The following TLE1 variants were observed in gnomAD, a reference collection of about 807,000 sequenced individuals.
TLE1 encodes TLE family member 1, transcriptional corepressor, also known as transducin-like enhancer protein 1.
TLE1 carries 21 observed loss-of-function variants against 89.8 expected under a neutral mutation model. That is an observed-to-expected ratio of 0.23 (90% CI 0.17 to 0.34). The LOEUF (loss-of-function observed/expected upper bound fraction) is 0.34. TLE1 is among the 10% of genes least tolerant of loss of function. TLE1 has a pLI of 1.00. For synonymous variants in TLE1, 447 were observed against 407.6 expected, an observed-to-expected ratio of 1.10 and a Z score of -1.16; for missense variants, 795 against 1,031.2, an observed-to-expected ratio of 0.77 and a Z score of 3.14.
intron 6 of TLE1, among the ~76,000 whole-genome samples, chr9:81,635,705 T>C (rs1827276816): frequency 6.6e-6 from 1 of 152,200 alleles, no homozygotes; most frequent in South Asian, 2.1e-4. Flanking sequence ...TAAATCTTCA[T>C]GCCAGATCTT....
chr9:81,600,189 C>T (rs1284587696), intron 14 of TLE1: 10 of 670,416 alleles, frequency 1.5e-5, no homozygotes, highest in Non-Finnish European at 2.7e-5. Context: ...TAATATATTG[C>T]TATTTCAAAG....
chr9:81,657,921 T>C (rs1318465683), intron 4 of TLE1, among the ~76,000 whole-genome samples: 1 of 149,334 alleles, frequency 6.7e-6, no homozygotes, highest in Non-Finnish European at 1.5e-5. Context: ...TTTTTTTTTT[T>C]TTTTTTAAGA....
At chr9:81,631,091 G>A (rs984979559) in intron 8 of TLE1, among the ~76,000 whole-genome samples, 1 of 152,168 alleles carries the variant, frequency 6.6e-6, no homozygotes, top group Non-Finnish European at 1.5e-5. Context: ...AAAGATACAT[G>A]TCCAAAACAC....
chr9:81,685,575 CA>C (rs1834158650), intron 4 of TLE1, 100 bp downstream of exon 4: 4 of 1,214,272 alleles, frequency 3.3e-6, no homozygotes, highest in Non-Finnish European at 4.6e-6. Context: ...AAATAGCATA[CA>C]AACCCCCACC....
At chr9:81,659,197 C>T (rs1445530797) in intron 4 of TLE1, among the ~76,000 whole-genome samples, 2 of 152,088 alleles carry the variant, frequency 1.3e-5, no homozygotes, top group African/African-American at 2.4e-5. Flanking sequence ...CGTGAGCCAC[C>T]GCGCCTGGCC....
chr9:81,627,051 G>C (rs1825990737), intron 8 of TLE1, among the ~76,000 whole-genome samples: 3 of 152,032 alleles, frequency 2.0e-5, no homozygotes, highest in Admixed American at 1.3e-4. Context: ...TGAAATACTT[G>C]CTAATGCAAG....
chr9:81,688,964 G>GTGT lies in TLE1; in HGVS notation c.-727_-725dup, dbSNP rs1299286491. The GTGT allele has an allele frequency of 1.3e-5, 2 of 152,314 alleles. No individual in the cohort carries two copies. The highest frequency in any genetic ancestry group is 4.8e-5 in the African/African-American group (2 of 41,450). The allele number at this position is 152,314 out of a possible 1,614,324, so 9.4% of individuals were successfully genotyped here. ...GCACGCCCCGTGCGACCAGCACTCG[G>GTGT]TGTTCTCCGCGGTTGCACAAACCCT... On this transcript the variant is annotated 5_prime_UTR_variant, in exon 1 of 20. Coordinates refer to ENST00000376499, the MANE Select transcript of TLE1 (RefSeq NM_005077.5).
intron 2 of TLE1, among the ~76,000 whole-genome samples, chr9:81,687,071 T>C (rs1249985894): frequency 1.3e-5 from 2 of 152,074 alleles, no homozygotes; most frequent in Admixed American, 6.6e-5. Flanking sequence ...ACGATTCTCA[T>C]GCAACTCCTA....
At chr9:81,606,291 A>AAATC (rs1188253219) in intron 14 of TLE1, among the ~76,000 whole-genome samples, 1 of 152,236 alleles carries the variant, frequency 6.6e-6, no homozygotes, top group African/African-American at 2.4e-5. Context: ...AAAGGATTAT[A>AAATC]AATCATGCTG....
At chr9:81,596,301 G>C (rs922834684) in intron 14 of TLE1, among the ~76,000 whole-genome samples, 2 of 152,162 alleles carry the variant, frequency 1.3e-5, no homozygotes, top group African/African-American at 4.8e-5. Flanking sequence ...CCCACGGGAA[G>C]CCCATATGGA....
chr9:81,594,474 T>G (rs1021860386), intron 14 of TLE1, among the ~76,000 whole-genome samples: 2 of 151,446 alleles, frequency 1.3e-5, no homozygotes, highest in South Asian at 2.1e-4. Flanking sequence ...TAAATGGGAG[T>G]TGGACAATGA....
At chr9:81,659,460 CA>C (rs1830515670) in intron 4 of TLE1, among the ~76,000 whole-genome samples, 1 of 152,118 alleles carries the variant, frequency 6.6e-6, no homozygotes, top group South Asian at 2.1e-4. Flanking sequence ...TGTAAGGCAA[CA>C]ACAATAAATC....
Position 81,585,600 on chromosome 9 carries a change from C to T in TLE1, c.2033G>A (p.Ser678Asn), listed in dbSNP as rs1000373544. ...CACGTGCAGCACCTCCACATTGCTG[C>T]TCTCCATGCCCACTGCCAGCCACTC... is the stretch of plus-strand genomic sequence containing the variant. Reference protein sequence around the residue: ...TGEWLAVGMESSNVEVLHVNK... With the variant: ...TGEWLAVGMENSNVEVLHVNK... Residue 678 changes from serine (S) to asparagine (N), a missense_variant, in exon 18 of 20, where the codon AGC (serine) becomes AAC (asparagine). Physicochemically the swap from Ser to Asn is conservative, Grantham distance 46. Coordinates refer to ENST00000376499, the MANE Select transcript of TLE1 (RefSeq NM_005077.5). The T allele has an allele frequency of 1.3e-5, 21 of 1,614,024 alleles. No homozygotes were observed. The highest frequency in any genetic ancestry group is 2.2e-5 in the East Asian group (1 of 44,872).
chr9:81,620,904 A>G, intron 8 of TLE1: 1 of 561,894 alleles, frequency 1.8e-6, no homozygotes, highest in Non-Finnish European at 3.4e-6. Context: ...CAGGAATACG[A>G]ATGGCCTATG....
At chr9:81,668,502 C>A (rs1391732885) in intron 4 of TLE1, among the ~76,000 whole-genome samples, 1 of 151,960 alleles carries the variant, frequency 6.6e-6, no homozygotes, top group Non-Finnish European at 1.5e-5. Context: ...ATTTTAAATA[C>A]AAATTACTTC....
In TLE1 at chr9:81,611,887, C is replaced by T; in HGVS notation, c.1136G>A (p.Gly379Asp). 6.5e-7 allele frequency: 1 copy of T among 1,547,224 alleles called. No homozygotes were observed. The highest frequency in any genetic ancestry group is 8.7e-7 in the Non-Finnish European group (1 of 1,150,132). ...TGGGCTGGTCAGCTCGCCGTTCATG[C>T]CAGCGTGGGGGACCATCCCAAAAGG... ...PAPFGMVPHA[G>D]MNGELTSPGA... is the part of the protein sequence containing the mutation. The change falls in exon 13 of 20, where the codon GGC (glycine) becomes GAC (aspartate). Residue 379 changes from glycine to aspartate, a missense_variant. Physicochemically the swap from Gly to Asp is moderately conservative, Grantham distance 94. Coordinates refer to ENST00000376499, the MANE Select transcript of TLE1 (RefSeq NM_005077.5).
rs1480107120 is a variant in TLE1 at position 81,633,655 on chromosome 9, T to C, written c.578-291A>G. On this transcript the variant is annotated intron_variant, in intron 7 of 19. Coordinates refer to ENST00000376499, the MANE Select transcript of TLE1 (RefSeq NM_005077.5). ...ATTAGTCAAGTGCAATTTTGCCCAATATTTAATGCATACTAGAATTAAAGC... is the reference window on the plus strand; with the variant it reads ...ATTAGTCAAGTGCAATTTTGCCCAACATTTAATGCATACTAGAATTAAAGC... 5 of 515,166 alleles carry C rather than the reference T, an allele frequency of 9.7e-6. No homozygotes were observed. In the East Asian group the frequency reaches 1.4e-4, roughly 15 times the overall value. The allele number at this position is 515,166 out of a possible 1,614,324, so 31.9% of individuals were successfully genotyped here. A position where few individuals can be genotyped will look rare whatever the true frequency, so the allele number is the denominator to read the frequency against.
intron 4 of TLE1, among the ~76,000 whole-genome samples, chr9:81,681,832 G>A (rs1743937401): frequency 6.6e-6 from 1 of 152,184 alleles, no homozygotes; most frequent in South Asian, 2.1e-4. Context: ...CATACATTCA[G>A]TCCTGACATG....
At chr9:81,637,391 C>G (rs1827523899) in intron 6 of TLE1, among the ~76,000 whole-genome samples, 1 of 152,106 alleles carries the variant, frequency 6.6e-6, no homozygotes, top group Non-Finnish European at 1.5e-5. Context: ...GTAGTAGATT[C>G]TGATATCTTA....
Sources: allele counts gnomAD v4.1 joint callset (sites outside exome capture counted in the v4.1 genomes callset), GRCh38; gene constraint gnomAD v4.1.1; transcripts MANE v1.5; gene names NCBI Gene and HGNC (gene_info 2026-07-23, HGNC 2026-07-21).